Variants in ALDH3B1 observed in about 807,000 individuals in gnomAD.
The protein encoded by ALDH3B1 is aldehyde dehydrogenase 3 family member B1.
In ALDH3B1, 37 loss-of-function variants were observed where a neutral mutation model predicts 46.2. The ratio of observed to expected loss-of-function variants is 0.80; its 90% confidence interval spans 0.62 to 1.05. The LOEUF (loss-of-function observed/expected upper bound fraction) is 1.05, where lower values mean the gene tolerates loss of function less well. Ranked by LOEUF, ALDH3B1 falls within the 50% of genes least tolerant of loss-of-function variation. The pLI, the probability that ALDH3B1 is intolerant of heterozygous loss-of-function variation, is 0.00. For synonymous variants in ALDH3B1, 283 were observed against 281.0 expected (o/e 1.01, Z -0.07); for missense variants, 603 against 665.5 (o/e 0.91, Z 1.03).
chr11:68,011,320 G>A lies in ALDH3B1; in HGVS notation c.-2+928G>A, dbSNP rs145982855. On this transcript the variant is annotated intron_variant, in intron 1 of 9. Coordinates refer to ENST00000342456, the MANE Select transcript of ALDH3B1 (RefSeq NM_000694.4). ...CGCTGCAGACTGCTTTTTTCTAAGCGGACTGCTTTTTTCTAAGGGGTAAGG... is the reference window on the plus strand; with the variant it reads ...CGCTGCAGACTGCTTTTTTCTAAGCAGACTGCTTTTTTCTAAGGGGTAAGG... Among the ~76,000 whole-genome samples the A allele has an allele frequency of 2.7e-3, 411 of 152,220 alleles. 4 individuals are homozygous for A. The highest frequency in any genetic ancestry group is 9.0e-3 in the African/African-American group (373 of 41,548).
chr11:68,018,328 G>C, intron 2 of ALDH3B1, 199 bp from the exon 3 acceptor site: 1 of 585,294 alleles, frequency 1.7e-6, no homozygotes, highest in Non-Finnish European at 3.0e-6. Flanking sequence ...TGCAAGGTCG[G>C]CCTCAGGGCC....
chr11:68,020,368 G>A (rs1371325381), intron 6 of ALDH3B1, among the ~76,000 whole-genome samples: 4 of 152,164 alleles, frequency 2.6e-5, no homozygotes, highest in Admixed American at 1.3e-4. Context: ...CAAGTAGCTG[G>A]GGTGACAGGC....
intron 6 of ALDH3B1, 76 bp downstream of exon 6, chr11:68,019,872 G>A (rs748554044): frequency 3.2e-4 from 466 of 1,446,776 alleles, no homozygotes; most frequent in Non-Finnish European, 4.2e-4. Context: ...CCTAACTCTG[G>A]GAGTCCACAG....
chr11:68,018,839 TG>T lies in ALDH3B1; in HGVS notation c.342del (p.Trp114Ter). The T allele has an allele frequency of 6.4e-7, 1 of 1,565,470 alleles. No homozygotes were observed. Among genetic ancestry groups the T allele is most frequent in the Non-Finnish European group, 8.7e-7 (1 of 1,155,376 alleles). ...TGGCCTGGTCCTCATCATTGCGCCCTGGAACTATCCGCTGAACCTGACGCTG... is the reference window on the plus strand; with the variant it reads ...TGGCCTGGTCCTCATCATTGCGCCCTGAACTATCCGCTGAACCTGACGCTG... ...PFGLVLIIAPWNYPLNLTLVP... is the reference protein window; with the variant it reads ...PFGLVLIIAPXNYPLNLTLVP... On this transcript the variant is annotated frameshift_variant, in exon 4 of 10. Coordinates refer to ENST00000342456, the MANE Select transcript of ALDH3B1 (RefSeq NM_000694.4). LOFTEE classifies it high-confidence loss of function.
At chr11:68,010,931 C>T (rs1272127755) in intron 1 of ALDH3B1, among the ~76,000 whole-genome samples, 4 of 152,200 alleles carry the variant, frequency 2.6e-5, no homozygotes, top group Admixed American at 2.6e-4. Context: ...CTGCAGGAGG[C>T]ACTTCTCATC....
At chr11:68,020,930 C>A (rs547335260) in intron 6 of ALDH3B1, among the ~76,000 whole-genome samples, 1 of 152,182 alleles carries the variant, frequency 6.6e-6, no homozygotes, top group East Asian at 1.9e-4. Context: ...GAGGCCAGCA[C>A]AGAGGAGAGG....
At position 68,027,977 on chromosome 11, in the gene ALDH3B1, G is replaced by A. The variant is rs567436201; in HGVS notation, c.*38G>A. The stretch of plus-strand genomic sequence containing the variant: ...GCCCAGGCTGTAGACCACCATGACA[G>A]CTGTCGCCTGCGGCTGGTGGAGACG... On this transcript the variant is annotated 3_prime_UTR_variant, in exon 10 of 10. Transcript: ENST00000342456. The A allele has an allele frequency of 2.6e-6, 4 of 1,557,606 alleles. No individual in the cohort carries two copies. The highest frequency in any genetic ancestry group is 1.9e-5 in the Admixed American group (1 of 53,674).
At chr11:68,027,708 C>A (rs1025208497) in intron 9 of ALDH3B1, 41 bp from the exon 10 acceptor site, 15 of 1,542,392 alleles carry the variant, frequency 9.7e-6, no homozygotes, top group African/African-American at 1.4e-5. Context: ...GACTAGGAGA[C>A]CCCCAGCGCC....
intron 2 of ALDH3B1, 171 bp from the exon 3 acceptor site, chr11:68,018,356 C>A (rs1857399539): frequency 4.8e-6 from 3 of 621,856 alleles, no homozygotes; most frequent in Non-Finnish European, 8.3e-6. Flanking sequence ...CTGTTTGGCA[C>A]AGAGACAGCA....
intron 1 of ALDH3B1, among the ~76,000 whole-genome samples, chr11:68,010,659 G>A (rs1345835201): frequency 2.0e-5 from 3 of 152,164 alleles, no homozygotes; most frequent in Non-Finnish European, 2.9e-5. Flanking sequence ...GGTTGCCACC[G>A]CCTCCTTTTC....
intron 8 of ALDH3B1, chr11:68,024,766 T>C (rs564100449): frequency 1.3e-5 from 2 of 152,216 alleles, no homozygotes; most frequent in Non-Finnish European, 2.9e-5. Flanking sequence ...CTACATCTAT[T>C]TCCTGGAATT....
At chr11:68,024,778 T>A (rs1857583648) in intron 8 of ALDH3B1, 1 of 152,258 alleles carries the variant, frequency 6.6e-6, no homozygotes. Context: ...CCTGGAATTC[T>A]GTAAGAAAGA....
At chr11:68,021,412 C>CG in intron 6 of ALDH3B1, 73 bp from the exon 7 acceptor site, 1 of 1,548,026 alleles carries the variant, frequency 6.5e-7, no homozygotes, top group Non-Finnish European at 8.7e-7. Context: ...CAGGGAGGAG[C>CG]GGGGCCGTGG....
chr11:68,014,741 C>T (rs1163332393), intron 1 of ALDH3B1, among the ~76,000 whole-genome samples: 1 of 152,196 alleles, frequency 6.6e-6, no homozygotes, highest in Non-Finnish European at 1.5e-5. Context: ...GGGCAGTGCC[C>T]CCAGGCTGGG....
intron 8 of ALDH3B1, among the ~76,000 whole-genome samples, chr11:68,023,609 G>A (rs61887542): frequency 6.2e-3 from 944 of 151,932 alleles, no homozygotes; most frequent in Non-Finnish European, 0.01. Context: ...CCGGCCACTT[G>A]AACTTTTTTT....
At position 68,021,574 on chromosome 11, in the gene ALDH3B1, T is replaced by C. The variant is rs1565137647; in HGVS notation, c.652T>C (p.Tyr218His). 6.2e-7 allele frequency: 1 copy of C among 1,614,096 alleles called. No homozygotes were observed. Among genetic ancestry groups the C allele is most frequent in the African/African-American group, 1.3e-5 (1 of 75,038 alleles). The change falls in exon 7 of 10, where the codon TAC (tyrosine) becomes CAC (histidine). Residue 218 changes from tyrosine to histidine, a missense_variant. Transcript: ENST00000342456. ...TLELGGKNPCYVDDNCDPQTV... is the reference protein window; with the variant it reads ...TLELGGKNPCHVDDNCDPQTV... ...GGAGCTGGGGGGCAAGAACCCTTGC[T>C]ACGTGGACGACAACTGCGACCCCCA...
chr11:68,015,455 A>T lies in ALDH3B1; in HGVS notation c.158A>T (p.His53Leu). The T allele has an allele frequency of 1.3e-6, 2 of 1,567,532 alleles. No homozygotes were observed. Among genetic ancestry groups the T allele is most frequent in the Non-Finnish European group, 1.7e-6 (2 of 1,156,460 alleles). ...CACGACGCACTGGCCCAGGACCTGC[A>T]CAAGGTGGGCTGGGGTTGGGGGTAT... ...LLHDALAQDL[H>L]KSAFESEVSE... is the part of the protein sequence containing the mutation. The change falls in exon 2 of 10, where the codon CAC (histidine) becomes CTC (leucine). Residue 53 changes from histidine (H) to leucine (L), a missense_variant. Physicochemically the swap from His to Leu is moderately conservative, Grantham distance 99. Coordinates refer to ENST00000342456, the MANE Select transcript of ALDH3B1 (RefSeq NM_000694.4).
chr11:68,019,379 T>C, intron 5 of ALDH3B1, 124 bp downstream of exon 5: 1 of 852,272 alleles, frequency 1.2e-6, no homozygotes, highest in Non-Finnish European at 1.9e-6. Context: ...TCTTCTGAGT[T>C]GTGTAAACTT....
intron 4 of ALDH3B1, 59 bp downstream of exon 4, chr11:68,018,952 C>T: frequency 1.3e-6 from 2 of 1,520,576 alleles, no homozygotes; most frequent in Non-Finnish European, 1.8e-6. Context: ...TCAGGGCCAC[C>T]CATGGATCCC....
Sources: gnomAD v4.1 joint callset for allele counts (sites outside exome capture counted in the v4.1 genomes callset) on GRCh38, gnomAD v4.1.1 for gene constraint, MANE v1.5 for transcripts, NCBI Gene and HGNC (gene_info 2026-07-23, HGNC 2026-07-21) for gene names.